P2RY8: variants seen among roughly 807,000 people sequenced by gnomAD.
P2RY8 encodes the protein P2Y receptor family member 8.
In P2RY8, 6 loss-of-function variants were observed where a neutral mutation model predicts 10.0. The ratio of observed to expected loss-of-function variants is 0.60; its 90% CI spans 0.33 to 1.19. The LOEUF (loss-of-function observed/expected upper bound fraction) is 1.19. Among genes scored for constraint, P2RY8 ranks in the 50% most tolerant of loss-of-function variants. P2RY8 has a pLI of 0.04. For synonymous variants in P2RY8, 276 were observed against 252.5 expected (o/e 1.09, Z -0.88); for missense variants, 456 against 542.0 (o/e 0.84, Z 1.58).
intron 1 of P2RY8, among the ~76,000 whole-genome samples, chrX:1,509,791 TCCATC>T (rs1326694637): frequency 5.2e-5 from 3 of 57,302 alleles, no homozygotes; most frequent in Non-Finnish European, 8.2e-5. Flanking sequence ...CATCTATGTA[TCCATC>T]CTATCTATCT....
intron 1 of P2RY8, among the ~76,000 whole-genome samples, chrX:1,494,953 G>C (rs868200996): frequency 8.8e-5 from 13 of 148,382 alleles, no homozygotes; most frequent in Admixed American, 2.1e-4. Flanking sequence ...CCTGACCTCA[G>C]GTGATCCACC....
intron 1 of P2RY8, among the ~76,000 whole-genome samples, chrX:1,493,708 G>T (rs1223426726): frequency 6.6e-6 from 1 of 152,166 alleles, no homozygotes; most frequent in African/African-American, 2.4e-5. Context: ...CAGCATCTCG[G>T]CGTGGGCCGG....
chrX:1,497,353 T>A (rs1330418348), intron 1 of P2RY8, among the ~76,000 whole-genome samples: 3 of 150,068 alleles, frequency 2.0e-5, no homozygotes, highest in African/African-American at 7.4e-5. Context: ...AAGGTCTCAC[T>A]CTGTGGCCCA....
chrX:1,490,899 A>C (rs2092039936), intron 1 of P2RY8, among the ~76,000 whole-genome samples: 1 of 149,838 alleles, frequency 6.7e-6, no homozygotes, highest in Non-Finnish European at 1.5e-5. Flanking sequence ...ATACCCAGAT[A>C]TTCCCTGCAA....
At position 1,465,593 on chromosome X, in the gene P2RY8, G is replaced by A. The variant is rs756454808; in HGVS notation, c.966C>T (p.Arg322=). ...RVPRDTLDTR[R]ESLFSARTTS... Reference sequence around the variant, plus strand: ...TGGTCCTGGCGGAGAAGAGGCTCTCGCGGCGCGTGTCCAGGGTGTCTCTGG... The same window carrying A: ...TGGTCCTGGCGGAGAAGAGGCTCTCACGGCGCGTGTCCAGGGTGTCTCTGG... Residue 322 remains arginine, a synonymous_variant, in exon 2 of 2, where the codon CGC becomes CGT. Coordinates refer to ENST00000381297, the MANE Select transcript of P2RY8 (RefSeq NM_178129.5). 6 of 1,613,046 alleles carry A rather than the reference G, an allele frequency of 3.7e-6. No individual in the cohort carries two copies. The South Asian group carries it at 4.4e-5, about 12-fold the overall frequency.
At chrX:1,504,295 A>G (rs1289510525) in intron 1 of P2RY8, among the ~76,000 whole-genome samples, 15 of 146,992 alleles carry the variant, frequency 1.0e-4, no homozygotes, top group South Asian at 2.2e-4. Flanking sequence ...CAGCCTGGGC[A>G]ACAGACCAAG....
intron 1 of P2RY8, 50 bp from the exon 2 acceptor site, chrX:1,466,632 G>T: frequency 1.3e-6 from 2 of 1,512,676 alleles, no homozygotes; most frequent in Non-Finnish European, 1.8e-6. Flanking sequence ...CAGGTAAAGA[G>T]GCGGCTGCCG....
chrX:1,528,531 C>T (rs1179096422), intron 1 of P2RY8, among the ~76,000 whole-genome samples: 7 of 152,244 alleles, frequency 4.6e-5, no homozygotes, highest in Admixed American at 2.6e-4. Flanking sequence ...CAGGGAAGCC[C>T]GGAGGAGCAA....
At chrX:1,468,131 T>A (rs1179849646) in intron 1 of P2RY8, among the ~76,000 whole-genome samples, 1 of 151,224 alleles carries the variant, frequency 6.6e-6, no homozygotes, top group East Asian at 2.0e-4. Context: ...AGACATGGGG[T>A]TTGGCTATGT....
chrX:1,509,002 T>TATC (rs2092263561), intron 1 of P2RY8, among the ~76,000 whole-genome samples: 3 of 116,496 alleles, frequency 2.6e-5, no homozygotes, highest in Non-Finnish European at 5.4e-5. Flanking sequence ...CTGTATGTGT[T>TATC]CATCCATCCA....
intron 1 of P2RY8, among the ~76,000 whole-genome samples, chrX:1,515,859 A>T (rs77293468): frequency 0.092 from 13,679 of 148,908 alleles, 814 homozygotes; most frequent in Middle Eastern, 0.17. Context: ...ATGCTCCATG[A>T]TGAGACAAAT....
At chrX:1,468,452 A>G (rs1469348822) in intron 1 of P2RY8, among the ~76,000 whole-genome samples, 2 of 152,180 alleles carry the variant, frequency 1.3e-5, no homozygotes, top group African/African-American at 4.8e-5. Context: ...CCCGGGGAAG[A>G]CAGACAGCCA....
chrX:1,531,044 T>TTCTATCTA (rs199748336), intron 1 of P2RY8, among the ~76,000 whole-genome samples: 345 of 138,050 alleles, frequency 2.5e-3, no homozygotes, highest in African/African-American at 8.9e-3. Context: ...TATTTATCGA[T>TTCTATCTA]TCTATCTATC....
At chrX:1,535,184 C>CTTTTTT (rs539683722) in intron 1 of P2RY8, among the ~76,000 whole-genome samples, 863 of 80,602 alleles carry the variant, frequency 0.011, 53 homozygotes, top group African/African-American at 0.024. Context: ...GGGATAATTC[C>CTTTTTT]TTTTTTTTTT....
intron 1 of P2RY8, among the ~76,000 whole-genome samples, chrX:1,475,594 A>C (rs111498435): frequency 0.032 from 4,799 of 152,168 alleles, 254 homozygotes; most frequent in African/African-American, 0.11. Context: ...AACAGACTTC[A>C]AAGAAATTAG....
intron 1 of P2RY8, among the ~76,000 whole-genome samples, chrX:1,481,310 C>G (rs2091932549): frequency 6.6e-6 from 1 of 152,094 alleles, no homozygotes; most frequent in African/African-American, 2.4e-5. Flanking sequence ...CTGACAGGCA[C>G]CTGCCACCAC....
At chrX:1,493,876 G>A (rs1395064698) in intron 1 of P2RY8, among the ~76,000 whole-genome samples, 6 of 152,276 alleles carry the variant, frequency 3.9e-5, no homozygotes, top group Non-Finnish European at 8.8e-5. Flanking sequence ...ACCCTCGAGA[G>A]CTTGTGCAAA....
At chrX:1,481,193 G>C (rs2091931365) in intron 1 of P2RY8, among the ~76,000 whole-genome samples, 2 of 150,808 alleles carry the variant, frequency 1.3e-5, no homozygotes, top group African/African-American at 4.9e-5. Flanking sequence ...TCTTGAGGCT[G>C]AGTCTTGCTC....
intron 1 of P2RY8, among the ~76,000 whole-genome samples, chrX:1,524,572 TCCA>T: frequency 7.0e-6 from 1 of 142,616 alleles, no homozygotes; most frequent in Non-Finnish European, 1.5e-5. Context: ...CATCCATCCA[TCCA>T]TCCATCCATC....
Sources: gnomAD v4.1 joint callset for allele counts (sites outside exome capture counted in the v4.1 genomes callset) on GRCh38, gnomAD v4.1.1 for gene constraint, MANE v1.5 for transcripts, NCBI Gene and HGNC (gene_info 2026-07-23, HGNC 2026-07-21) for gene names.